EP400: variants seen among roughly 807,000 people sequenced by gnomAD.
EP400 encodes the protein E1A-binding protein p400.
EP400 carries 105 observed loss-of-function variants against 354.1 expected under a neutral mutation model. The observed-to-expected ratio is 0.30, with a 90% CI of 0.25 to 0.35. The LOEUF is 0.35. EP400 is among the 10% of genes least tolerant of loss of function. The probability of loss-of-function intolerance (pLI) is 1.00; values close to 1 mark genes in which losing one functional copy is unlikely to be tolerated. For synonymous variants in EP400, 1,646 were observed against 1,716.9 expected (o/e 0.96, Z 1.02); for missense variants, 3,280 against 4,121.0 (o/e 0.80, Z 5.59).
chr12:132,062,020 T>C lies in EP400; in HGVS notation c.7885-90T>C, dbSNP rs1895711487. On this transcript the variant is annotated intron_variant, in intron 45 of 52. Coordinates refer to ENST00000389561, the MANE Select transcript of EP400 (RefSeq NM_015409.5). ...TGTTTCACTTGTTTCGCCTCTGAAGTTGGGTGCTCTTGTCTTCCCTGCTCT... is the reference window on the plus strand; with the variant it reads ...TGTTTCACTTGTTTCGCCTCTGAAGCTGGGTGCTCTTGTCTTCCCTGCTCT... 3.5e-6 allele frequency: 4 copies of C among 1,127,778 alleles called. No individual in the cohort carries two copies. In the African/African-American group the frequency reaches 4.6e-5, roughly 13 times the overall value. 69.9% of individuals were successfully genotyped at this position (1,127,778 alleles called of 1,614,324 possible).
chr12:132,068,944 T>C (rs1208832156), intron 50 of EP400: 1 of 153,068 alleles, frequency 6.5e-6, no homozygotes, highest in African/African-American at 2.4e-5. Flanking sequence ...AGTGCTGGGC[T>C]GTGTGTTCCT....
rs1208398440 is a variant in EP400, at chr12:132,020,172, A to T, written c.4401A>T (p.Arg1467=). 6.2e-7 allele frequency: 1 copy of T among 1,610,658 alleles called. No homozygotes were observed. Among genetic ancestry groups the T allele is most frequent in the South Asian group, 1.1e-5 (1 of 90,190 alleles). Residue 1467 remains arginine, a synonymous_variant, in exon 22 of 53, where the codon CGA becomes CGT. Coordinates refer to ENST00000389561, the MANE Select transcript of EP400 (RefSeq NM_015409.5). ...TASAAPQGPL[R]GRPPIATFSA... ...CTGCTGCTCCACAGGGCCCGCTTCGAGGACGGCCGCCCATCGCCACGTTCT... is the reference window on the plus strand; with the variant it reads ...CTGCTGCTCCACAGGGCCCGCTTCGTGGACGGCCGCCCATCGCCACGTTCT...
At chr12:131,985,419 C>A (rs962572853) in intron 5 of EP400, among the ~76,000 whole-genome samples, 1 of 152,220 alleles carries the variant, frequency 6.6e-6, no homozygotes, top group African/African-American at 2.4e-5. Flanking sequence ...AGAAAGCAGA[C>A]CCACGTCGTG....
Position 131,990,252 on chromosome 12 carries a change from G to C in EP400, c.2550+148G>C, listed in dbSNP as rs372959673. On this transcript the variant is annotated intron_variant, in intron 8 of 52. Coordinates refer to ENST00000389561, the MANE Select transcript of EP400 (RefSeq NM_015409.5). The surrounding 1 kb of genome is among the most constrained non-coding windows in gnomAD (Gnocchi z 4.2). ...TGTGCACTCTCCTGGGCTGTTGCTT[G>C]TTGGCCTTTGAATGAGCTGCTCGTG... 1 of 964,856 alleles carries C rather than the reference G, an allele frequency of 1.0e-6. No homozygotes were observed. The highest frequency in any genetic ancestry group is 1.7e-5 in the South Asian group (1 of 58,252). 59.8% of individuals were successfully genotyped at this position (964,856 alleles called of 1,614,324 possible). A position where few individuals can be genotyped will look rare whatever the true frequency, so the allele number is the denominator to read the frequency against.
chr12:131,989,374 T>G lies in EP400; in HGVS notation c.2410-590T>G, dbSNP rs574031651. 8.5e-5 allele frequency among the ~76,000 whole-genome samples: 13 copies of G among 152,258 alleles called. No individual in the cohort carries two copies. In the South Asian group the frequency reaches 1.9e-3, roughly 22 times the overall value. The stretch of plus-strand genomic sequence containing the variant: ...TTGGAGGCCGAGTGGGAACACGGCG[T>G]GTGCGCAGAGTCCTGGCGGTAGTTG... On this transcript the variant is annotated intron_variant, in intron 7 of 52. Transcript: ENST00000389561.
In EP400 at chr12:132,053,416, C is replaced by A; in HGVS notation, c.7547C>A (p.Pro2516Gln). ...CCCCCGCCCCAGCCGCAGCCCCCAC[C>A]ACCCCCGCAGCAGCCACCGCCACCG... ...QPPPPQPQPP[P>Q]PPQQPPPPLP... is the part of the protein sequence containing the mutation. Residue 2516 changes from proline to glutamine, a missense_variant, in exon 43 of 53, where the codon CCA becomes CAA. Pro to Gln is a moderately conservative substitution (Grantham distance 76). Coordinates refer to ENST00000389561, the MANE Select transcript of EP400 (RefSeq NM_015409.5). 14 of 1,526,908 alleles carry A rather than the reference C, an allele frequency of 9.2e-6. No individual in the cohort carries two copies. Among genetic ancestry groups the A allele is most frequent in the Non-Finnish European group, 1.2e-5 (14 of 1,140,586 alleles). The allele number at this position is 1,526,908 out of a possible 1,614,324, so 94.6% of individuals were successfully genotyped here.
In EP400 at chr12:132,069,532, A is replaced by C; in HGVS notation, c.8912A>C (p.Gln2971Pro). The change falls in exon 51 of 53, where the codon CAG (glutamine) becomes CCG (proline). Residue 2971 changes from glutamine (Q) to proline (P), a missense_variant. Physicochemically the swap from Gln to Pro is moderately conservative, Grantham distance 76. Transcript: ENST00000389561. ...CAGATCACCACCCCTGGCGCGCAGCAGAAGGTTGCCTACGCCGCGCAGCCG... is the reference window on the plus strand; with the variant it reads ...CAGATCACCACCCCTGGCGCGCAGCCGAAGGTTGCCTACGCCGCGCAGCCG... ...AQQITTPGAQ[Q>P]KVAYAAQPAL... 3 of 1,614,220 alleles carry C rather than the reference A, an allele frequency of 1.9e-6. No homozygotes were observed. The highest frequency in any genetic ancestry group is 2.5e-6 in the Non-Finnish European group (3 of 1,180,008).
At chr12:131,982,009 T>G (rs1892697328) in intron 4 of EP400, 84 bp from the exon 5 acceptor site, 9 of 1,467,704 alleles carry the variant, frequency 6.1e-6, no homozygotes, top group Non-Finnish European at 6.3e-6. Flanking sequence ...AGCACTGGGG[T>G]GTTAGACGTG....
intron 1 of EP400, 111 bp from the exon 2 acceptor site, chr12:131,960,474 G>C: frequency 9.4e-7 from 1 of 1,068,018 alleles, no homozygotes; most frequent in Non-Finnish European, 1.3e-6. Flanking sequence ...TCTGTCGTTT[G>C]AATCAGATGC....
Position 132,039,495 on chromosome 12 carries a change from C to T in EP400, c.6207+1399C>T, listed in dbSNP as rs114287176. 1.9e-3 allele frequency among the ~76,000 whole-genome samples: 284 copies of T among 152,252 alleles called. 2 individuals are homozygous for T. The highest frequency in any genetic ancestry group is 3.3e-3 in the Non-Finnish European group (226 of 68,010). ...GAGACCCACTCCCCCAGCCCCAGAGCGTTTCTATTCCTGAGGGATCCACCC... is the reference window on the plus strand; with the variant it reads ...GAGACCCACTCCCCCAGCCCCAGAGTGTTTCTATTCCTGAGGGATCCACCC... On this transcript the variant is annotated intron_variant, in intron 32 of 52. Coordinates refer to ENST00000389561, the MANE Select transcript of EP400 (RefSeq NM_015409.5).
Position 132,013,133 on chromosome 12 carries a change from A to C in EP400, c.3566A>C (p.Lys1189Thr), listed in dbSNP as rs753999322. The change falls in exon 17 of 53, where the codon AAG becomes ACG. Residue 1189 changes from lysine to threonine, a missense_variant. Lys to Thr is a moderately conservative substitution (Grantham distance 78, BLOSUM62 -1). Around this residue, in one of 20 missense-constraint regions of EP400, gnomAD observed 242 missense variants for 357.9 expected, o/e 0.68. Transcript: ENST00000389561. This position sits in a 1 kb window ranked among gnomAD's most constrained non-coding sequence, Gnocchi z 4.5. Reference protein sequence around the residue: ...CLVIDEMQRVKGMTERHWEAV... With the variant: ...CLVIDEMQRVTGMTERHWEAV... ...GTCATTGATGAGATGCAGCGCGTGAAGGGCATGACCGAGAGGCACTGGGAA... is the reference window on the plus strand; with the variant it reads ...GTCATTGATGAGATGCAGCGCGTGACGGGCATGACCGAGAGGCACTGGGAA... 1 of 1,614,182 alleles carries C rather than the reference A, an allele frequency of 6.2e-7. No individual in the cohort carries two copies. Among genetic ancestry groups the C allele is most frequent in the Non-Finnish European group, 8.5e-7 (1 of 1,180,024 alleles).
Position 131,986,421 on chromosome 12 carries a change from G to A in EP400, c.1930-93G>A, listed in dbSNP as rs566793338. 2.6e-5 allele frequency: 34 copies of A among 1,309,952 alleles called. 1 individual carries two copies. The highest frequency in any genetic ancestry group is 2.8e-4 in the Middle Eastern group (1 of 3,634). The allele number at this position is 1,309,952 out of a possible 1,614,324, so 81.1% of individuals were successfully genotyped here. On this transcript the variant is annotated intron_variant, in intron 5 of 52. Transcript: ENST00000389561. ...GGAGCGGAAGGTGCTGGCAGTGCGC[G>A]TCTCTGGTGCTGTGGGCGCTCAGGT...
intron 1 of EP400, among the ~76,000 whole-genome samples, chr12:131,957,404 G>A (rs56322627): frequency 0.11 from 16,841 of 149,802 alleles, 1,851 homozygotes; most frequent in African/African-American, 0.28. Context: ...TTTAAGGTTA[G>A]GAAATTGAAT....
At chr12:131,951,943 C>CT (rs747111097) in intron 1 of EP400, among the ~76,000 whole-genome samples, 2,714 of 143,352 alleles carry the variant, frequency 0.019, 72 homozygotes, top group African/African-American at 0.063. Flanking sequence ...CACCTGCCTA[C>CT]TTTTTTTTTT....
chr12:132,058,812 A>G (rs981977809), intron 45 of EP400, among the ~76,000 whole-genome samples: 1 of 149,068 alleles, frequency 6.7e-6, no homozygotes. Context: ...TTTTTGCGAC[A>G]GCATCTTGCT....
intron 2 of EP400, among the ~76,000 whole-genome samples, chr12:131,970,051 G>A (rs1310701762): frequency 2.6e-5 from 4 of 152,142 alleles, no homozygotes; most frequent in African/African-American, 9.7e-5. Flanking sequence ...TGTCTCCACC[G>A]CCTCCGCCCC....
At chr12:132,021,577 G>A (rs1259669138) in intron 23 of EP400, among the ~76,000 whole-genome samples, 1 of 152,234 alleles carries the variant, frequency 6.6e-6, no homozygotes, top group Non-Finnish European at 1.5e-5. Flanking sequence ...CTTTTCTGCT[G>A]CACTCACTCA....
In EP400 at chr12:131,997,456, C is replaced by A. The variant is rs80131977; in HGVS notation, c.2827+2500C>A. ...CTGATTTTTGTGTTTTTTGTAGATA[C>A]GGGATTTCAGGCTAGTCTCAAACTC... On this transcript the variant is annotated intron_variant, in intron 12 of 52. Coordinates refer to ENST00000389561, the MANE Select transcript of EP400 (RefSeq NM_015409.5). Among the ~76,000 whole-genome samples the A allele has an allele frequency of 8.5e-4, 129 of 151,860 alleles. No homozygotes were observed. In the East Asian group the frequency reaches 0.013, roughly 15 times the overall value.
Position 132,030,163 on chromosome 12 carries a change from G to A in EP400, c.5754+5G>A. The A allele has an allele frequency of 1.2e-6, 2 of 1,614,086 alleles. No individual in the cohort carries two copies. The highest frequency in any genetic ancestry group is 1.7e-6 in the Non-Finnish European group (2 of 1,179,932). On this transcript the variant is annotated splice_donor_5th_base_variant and intron_variant, in intron 29 of 52. Coordinates refer to ENST00000389561, the MANE Select transcript of EP400 (RefSeq NM_015409.5). ...GCCAGCAGTGAGCAACGGCAGGTGA[G>A]AAGCACATTGTTTACATTGTCTCTG...
Sources: allele counts gnomAD v4.1 joint callset (sites outside exome capture counted in the v4.1 genomes callset), GRCh38; gene constraint gnomAD v4.1.1; regional missense constraint gnomAD v4.1.1; non-coding constraint Gnocchi (gnomAD v3.1); transcripts MANE v1.5; gene names NCBI Gene and HGNC (gene_info 2026-07-23, HGNC 2026-07-21).